The following NCAM2 variants were observed in gnomAD, a reference collection of about 807,000 sequenced individuals.
NCAM2 encodes the protein N-CAM-2.
A neutral mutation model predicts 98.1 loss-of-function variants in NCAM2; 30 were observed. The ratio of observed to expected loss-of-function variants is 0.31; its 90% CI spans 0.23 to 0.41. The LOEUF is 0.41. Ranked by LOEUF, NCAM2 falls within the 10% of genes least tolerant of loss-of-function variation. NCAM2 has a pLI of 1.00. For missense variants in NCAM2, 867 were observed against 1,005.8 expected (o/e 0.86, Z 1.87); for synonymous variants, 368 against 342.4 (o/e 1.07, Z -0.83).
rs140906798 is a variant in NCAM2 at position 21,447,769 on chromosome 21, C to T, written c.1654+15488C>T. The stretch of plus-strand genomic sequence containing the variant: ...AGACACTTCCCAAAGAAGACATTTA[C>T]GTGGACAACCAACTTACGAATAAAA... On this transcript the variant is annotated intron_variant, in intron 12 of 17. Coordinates refer to ENST00000400546, the MANE Select transcript of NCAM2 (RefSeq NM_004540.5). Among the ~76,000 whole-genome samples the T allele has an allele frequency of 2.4e-3, 370 of 152,146 alleles. 1 individual carries two copies. Among genetic ancestry groups the T allele is most frequent in the Non-Finnish European group, 4.4e-3 (299 of 67,966 alleles).
At chr21:21,058,721 T>C (rs2065263482) in intron 1 of NCAM2, among the ~76,000 whole-genome samples, 2 of 151,990 alleles carry the variant, frequency 1.3e-5, no homozygotes, top group Non-Finnish European at 2.9e-5. Context: ...TTGAGTCATG[T>C]AGAAATACAT....
At chr21:21,389,377 G>A (rs927963804) in intron 9 of NCAM2, among the ~76,000 whole-genome samples, 21 of 152,154 alleles carry the variant, frequency 1.4e-4, no homozygotes, top group Non-Finnish European at 2.5e-4. Flanking sequence ...TGACACATGG[G>A]AATTATGGTA....
chr21:21,137,232 A>G (rs1004596292), intron 1 of NCAM2, among the ~76,000 whole-genome samples: 1 of 152,222 alleles, frequency 6.6e-6, no homozygotes, highest in Non-Finnish European at 1.5e-5. Flanking sequence ...AGAAAAATAC[A>G]CTGCCATTAT....
intron 5 of NCAM2, among the ~76,000 whole-genome samples, chr21:21,305,339 T>C (rs927793030): frequency 2.0e-5 from 3 of 151,896 alleles, no homozygotes; most frequent in Non-Finnish European, 4.4e-5. Context: ...ATAATAACAA[T>C]AAAAATAATA....
At chr21:21,294,609 A>G (rs2073409998) in intron 5 of NCAM2, among the ~76,000 whole-genome samples, 3 of 151,782 alleles carry the variant, frequency 2.0e-5, no homozygotes, top group South Asian at 4.1e-4. Flanking sequence ...AATCTCTTTT[A>G]TTTTAAATAA....
intron 1 of NCAM2, among the ~76,000 whole-genome samples, chr21:21,260,247 A>T (rs183860978): frequency 6.6e-6 from 1 of 152,152 alleles, no homozygotes; most frequent in East Asian, 1.9e-4. Context: ...AGATAGAAGA[A>T]AAAGCGAGCA....
At chr21:21,070,903 A>C (rs8130261) in intron 1 of NCAM2, among the ~76,000 whole-genome samples, 5,629 of 152,256 alleles carry the variant, frequency 0.037, 323 homozygotes, top group African/African-American at 0.13. Context: ...ATTTGAAGAA[A>C]AATTAATAAT....
At chr21:21,248,171 A>T (rs1278732166) in intron 1 of NCAM2, among the ~76,000 whole-genome samples, 4 of 152,130 alleles carry the variant, frequency 2.6e-5, no homozygotes, top group African/African-American at 4.8e-5. Context: ...CATTTTATAG[A>T]TGTAAATCTT....
intron 12 of NCAM2, among the ~76,000 whole-genome samples, chr21:21,449,898 G>A (rs775305424): frequency 2.6e-5 from 4 of 151,902 alleles, no homozygotes; most frequent in Non-Finnish European, 5.9e-5. Context: ...TATAGATTAT[G>A]GAGATAATAT....
intron 14 of NCAM2, among the ~76,000 whole-genome samples, chr21:21,474,728 T>G (rs1984927267): frequency 6.6e-6 from 1 of 152,090 alleles, no homozygotes; most frequent in Non-Finnish European, 1.5e-5. Flanking sequence ...ATCCCTTGTC[T>G]TCATACCACC....
chr21:21,115,447 C>T (rs1285099899), intron 1 of NCAM2, among the ~76,000 whole-genome samples: 1 of 152,092 alleles, frequency 6.6e-6, no homozygotes, highest in Non-Finnish European at 1.5e-5. Flanking sequence ...CAGTTTCTCT[C>T]CCCACTTAAT....
At chr21:21,512,473 C>A (rs1045526743) in intron 16 of NCAM2, among the ~76,000 whole-genome samples, 9 of 151,980 alleles carry the variant, frequency 5.9e-5, no homozygotes, top group Admixed American at 5.9e-4. Context: ...CAGTAGCATG[C>A]TTTTTTGTTT....
chr21:21,415,057 A>G (rs918126058), intron 10 of NCAM2, among the ~76,000 whole-genome samples: 1 of 151,988 alleles, frequency 6.6e-6, no homozygotes. Context: ...TCCCATGGAT[A>G]GAACACAGGC....
chr21:21,077,459 T>C (rs2065703559), intron 1 of NCAM2, among the ~76,000 whole-genome samples: 1 of 152,192 alleles, frequency 6.6e-6, no homozygotes, highest in South Asian at 2.1e-4. Context: ...AGACCTCTGT[T>C]ACTCCATCTG....
At chr21:21,264,945 ATATATATGTGTATGTG>A (rs2072092669) in intron 1 of NCAM2, among the ~76,000 whole-genome samples, 1 of 11,024 alleles carries the variant, frequency 9.1e-5, no homozygotes, top group Non-Finnish European at 2.4e-4. Flanking sequence ...ATGTGTGTGT[ATATATATGTGTATGTG>A]TATATATACA....
chr21:21,359,836 C>A (rs562884375), intron 8 of NCAM2, among the ~76,000 whole-genome samples: 26 of 151,852 alleles, frequency 1.7e-4, no homozygotes, highest in African/African-American at 6.0e-4. Flanking sequence ...TATTAATAGA[C>A]TTAACAAAAA....
At position 21,222,653 on chromosome 21, in the gene NCAM2, A is replaced by G. The variant is rs141551093; in HGVS notation, c.56-57925A>G. On this transcript the variant is annotated intron_variant, in intron 1 of 17. Coordinates refer to ENST00000400546, the MANE Select transcript of NCAM2 (RefSeq NM_004540.5). Reference sequence around the variant, plus strand: ...CAATCTTATGACAAAACTTTAACAAACAAGGATTTCCTTCCTATGGATGAG... The same window carrying G: ...CAATCTTATGACAAAACTTTAACAAGCAAGGATTTCCTTCCTATGGATGAG... Among the ~76,000 whole-genome samples, 116 of 152,324 alleles carry G rather than the reference A, an allele frequency of 7.6e-4. 1 individual carries two copies. The East Asian group carries it at 0.019, about 25-fold the overall frequency.
At chr21:21,500,673 A>G (rs1286034314) in intron 15 of NCAM2, among the ~76,000 whole-genome samples, 1 of 152,122 alleles carries the variant, frequency 6.6e-6, no homozygotes, top group Non-Finnish European at 1.5e-5. Context: ...ACATTTATAC[A>G]TATATTTCTA....
chr21:21,170,146 T>C (rs1033755810), intron 1 of NCAM2, among the ~76,000 whole-genome samples: 1 of 152,330 alleles, frequency 6.6e-6, no homozygotes, highest in East Asian at 1.9e-4. Flanking sequence ...CATTCATTCA[T>C]TGGTGGCGTG....
Sources: gnomAD v4.1 joint callset for allele counts (sites outside exome capture counted in the v4.1 genomes callset) on GRCh38, gnomAD v4.1.1 for gene constraint, MANE v1.5 for transcripts, NCBI Gene and HGNC (gene_info 2026-07-23, HGNC 2026-07-21) for gene names.